Variants in CDH4 observed in about 807,000 individuals in gnomAD.
CDH4 encodes the protein cadherin-4.
A neutral mutation model predicts 86.0 loss-of-function variants in CDH4; 33 were observed. The observed-to-expected ratio is 0.38, with a 90% CI of 0.29 to 0.51. The LOEUF (loss-of-function observed/expected upper bound fraction) is 0.51. Ranked by LOEUF, CDH4 falls within the 20% of genes least tolerant of loss-of-function variation. The pLI is 0.86. For missense variants in CDH4, 1,114 were observed against 1,307.4 expected (o/e 0.85, Z 2.28); for synonymous variants, 555 against 549.4 (o/e 1.01, Z -0.14).
In CDH4 at chr20:61,709,798, C is replaced by A. The variant is rs558116797; in HGVS notation, c.170-33765C>A. Among the ~76,000 whole-genome samples, 16 of 152,262 alleles carry A rather than the reference C, an allele frequency of 1.1e-4. No individual in the cohort carries two copies. In the South Asian group the frequency reaches 3.3e-3, roughly 32 times the overall value. On this transcript the variant is annotated intron_variant, in intron 2 of 15. Transcript: ENST00000614565. The surrounding 1 kb of genome is among the most constrained non-coding windows in gnomAD (Gnocchi z 4.8). ...GAGCGGGAGGTAGAGGTTCTTTCTT[C>A]TTGTTTTCCCACAGATGGCACAAGC...
chr20:61,921,859 A>G (rs551304117), intron 9 of CDH4, among the ~76,000 whole-genome samples: 1 of 151,948 alleles, frequency 6.6e-6, no homozygotes, highest in African/African-American at 2.4e-5. Context: ...TCTGATAACG[A>G]TGATCATTTT....
intron 4 of CDH4, among the ~76,000 whole-genome samples, chr20:61,802,274 G>A (rs1979869397): frequency 6.6e-6 from 1 of 152,222 alleles, no homozygotes; most frequent in Non-Finnish European, 1.5e-5. Context: ...GTCTCAGAGA[G>A]GTCAGGATTC....
chr20:61,919,804 TTGTG>T (rs201096009), intron 9 of CDH4, among the ~76,000 whole-genome samples: 1 of 148,450 alleles, frequency 6.7e-6, no homozygotes, highest in Non-Finnish European at 1.5e-5. Context: ...CGTGTTGTGA[TTGTG>T]TGGAAGTGTG....
chr20:61,910,863 C>A (rs2122929178), intron 9 of CDH4, among the ~76,000 whole-genome samples: 1 of 152,298 alleles, frequency 6.6e-6, no homozygotes, highest in Non-Finnish European at 1.5e-5. Context: ...TCACTCCCAC[C>A]CCCTAATCTA....
chr20:61,882,395 C>T (rs1248325414), intron 7 of CDH4, among the ~76,000 whole-genome samples: 1 of 152,264 alleles, frequency 6.6e-6, no homozygotes, highest in African/African-American at 2.4e-5. Flanking sequence ...GGTCCCACCA[C>T]AGAGGTGCAG....
At chr20:61,841,362 C>T (rs1471633130) in intron 4 of CDH4, among the ~76,000 whole-genome samples, 3 of 152,226 alleles carry the variant, frequency 2.0e-5, no homozygotes, top group African/African-American at 7.2e-5. Context: ...CCCCGAGGAA[C>T]AAGTCATCAG....
intron 2 of CDH4, among the ~76,000 whole-genome samples, chr20:61,739,842 G>A (rs1430989377): frequency 2.0e-5 from 3 of 152,254 alleles, no homozygotes; most frequent in Admixed American, 6.5e-5. Context: ...TCTATAAGCA[G>A]TTGGGGGCCT....
At chr20:61,344,837 A>G (rs1291441022) in intron 2 of CDH4, among the ~76,000 whole-genome samples, 1 of 152,234 alleles carries the variant, frequency 6.6e-6, no homozygotes, top group Non-Finnish European at 1.5e-5. Flanking sequence ...AATTGATCAT[A>G]TGAAGCCACC....
At chr20:61,931,493 C>T (rs546516936) in intron 13 of CDH4, among the ~76,000 whole-genome samples, 45 of 152,300 alleles carry the variant, frequency 3.0e-4, no homozygotes, top group Middle Eastern at 3.4e-3. Flanking sequence ...AAAAAACAGC[C>T]CTCCTGACTG....
chr20:61,780,952 C>T (rs889795467), intron 4 of CDH4, among the ~76,000 whole-genome samples: 11 of 152,306 alleles, frequency 7.2e-5, no homozygotes, highest in African/African-American at 2.6e-4. Context: ...CTAGAAAATA[C>T]ATAGCCACAG....
chr20:61,608,972 C>T (rs542084984), intron 2 of CDH4, among the ~76,000 whole-genome samples: 144 of 152,298 alleles, frequency 9.5e-4, no homozygotes, highest in Non-Finnish European at 1.6e-3. Flanking sequence ...CTGTTGCAGC[C>T]TCACGTCTCC....
chr20:61,712,152 G>T (rs1432787554), intron 2 of CDH4, among the ~76,000 whole-genome samples: 1 of 152,198 alleles, frequency 6.6e-6, no homozygotes, highest in Non-Finnish European at 1.5e-5. Flanking sequence ...AGGAGAGGCT[G>T]GTGAGGCTGA....
chr20:61,880,343 C>A (rs902771330), intron 7 of CDH4, among the ~76,000 whole-genome samples: 1 of 152,114 alleles, frequency 6.6e-6, no homozygotes, highest in Non-Finnish European at 1.5e-5. Context: ...GTCATGGAAC[C>A]CTGTTTTGAA....
chr20:61,441,145 G>A (rs76103652), intron 2 of CDH4, among the ~76,000 whole-genome samples: 1,842 of 152,302 alleles, frequency 0.012, 38 homozygotes, highest in African/African-American at 0.041. Context: ...CACAGGTCAC[G>A]CAGAATCTCA....
At chr20:61,547,859 C>T (rs2086100478) in intron 2 of CDH4, among the ~76,000 whole-genome samples, 1 of 152,202 alleles carries the variant, frequency 6.6e-6, no homozygotes, top group Admixed American at 6.5e-5. Context: ...AGCGGCACCG[C>T]GTGGGGCTGG....
At chr20:61,619,980 C>T (rs967843842) in intron 2 of CDH4, among the ~76,000 whole-genome samples, 9 of 152,094 alleles carry the variant, frequency 5.9e-5, no homozygotes, top group African/African-American at 1.7e-4. Flanking sequence ...GTTGGGACAT[C>T]GGCAGAAGGG....
In CDH4 at chr20:61,843,834, G is replaced by A. The variant is rs1237057666; in HGVS notation, c.577-834G>A. Reference sequence around the variant, plus strand: ...AGTATATGCTAAAGACATGCTCAAAGTTGAATGCAAATCCATTCATTCCAC... The same window carrying A: ...AGTATATGCTAAAGACATGCTCAAAATTGAATGCAAATCCATTCATTCCAC... On this transcript the variant is annotated intron_variant, in intron 4 of 15. Coordinates refer to ENST00000614565, the MANE Select transcript of CDH4 (RefSeq NM_001794.5). Among the ~76,000 whole-genome samples the A allele has an allele frequency of 3.3e-5, 5 of 152,132 alleles. No individual in the cohort carries two copies. In the East Asian group the frequency reaches 9.6e-4, roughly 29 times the overall value.
intron 2 of CDH4, among the ~76,000 whole-genome samples, chr20:61,341,249 G>T (rs1281096022): frequency 6.6e-6 from 1 of 152,212 alleles, no homozygotes; most frequent in African/African-American, 2.4e-5. Flanking sequence ...ATCACTCTTG[G>T]TTGTGATCAG....
At chr20:61,300,807 T>C (rs773767049) in intron 2 of CDH4, among the ~76,000 whole-genome samples, 27 of 152,184 alleles carry the variant, frequency 1.8e-4, no homozygotes, top group African/African-American at 4.6e-4. Flanking sequence ...TGGAAAAACA[T>C]TGGCTTCCTG....
Sources: gnomAD v4.1 joint callset for allele counts (sites outside exome capture counted in the v4.1 genomes callset) on GRCh38, gnomAD v4.1.1 for gene constraint, Gnocchi (gnomAD v3.1) non-coding constraint, MANE v1.5 for transcripts, NCBI Gene and HGNC (gene_info 2026-07-23, HGNC 2026-07-21) for gene names.